The following ENDOD1 variants were observed in gnomAD, a reference collection of about 807,000 sequenced individuals.
The protein encoded by ENDOD1 is endonuclease domain-containing 1 protein.
In ENDOD1, 9 loss-of-function variants were observed where a neutral mutation model predicts 6.5. That is an observed-to-expected ratio of 1.39 (90% CI 0.84 to 2.43). The LOEUF (loss-of-function observed/expected upper bound fraction) is 2.43, where lower values mean the gene tolerates loss of function less well. ENDOD1 is among the 30% of genes most tolerant of loss of function. The probability of loss-of-function intolerance (pLI) is 0.00; values close to 1 mark genes in which losing one functional copy is unlikely to be tolerated. For synonymous variants in ENDOD1, 255 were observed against 255.2 expected (o/e 1.00, Z 0.01); for missense variants, 648 against 635.5 (o/e 1.02, Z -0.21).
Position 95,130,371 on chromosome 11 carries a change from G to A in ENDOD1, c.*792G>A, listed in dbSNP as rs1859359693. ...ATGGTATAATACAGTCCTCTCCGGT[G>A]GAAAGAAGAGAAGAGAAGGTGGACA... On this transcript the variant is annotated 3_prime_UTR_variant, in exon 2 of 2. Coordinates refer to ENST00000278505, the MANE Select transcript of ENDOD1 (RefSeq NM_015036.3). 1 of 151,420 alleles carries A rather than the reference G, an allele frequency of 6.6e-6. No homozygotes were observed. The highest frequency in any genetic ancestry group is 2.1e-4 in the South Asian group (1 of 4,810). The allele number at this position is 151,420 out of a possible 1,614,324, so 9.4% of individuals were successfully genotyped here.
intron 1 of ENDOD1, among the ~76,000 whole-genome samples, chr11:95,127,077 C>T (rs548657925): frequency 6.6e-6 from 1 of 152,184 alleles, no homozygotes; most frequent in African/African-American, 2.4e-5. Context: ...GGGATGGTTC[C>T]ACTTGCTGCT....
intron 1 of ENDOD1, among the ~76,000 whole-genome samples, chr11:95,093,794 C>G (rs1403131751): frequency 2.0e-5 from 3 of 152,160 alleles, no homozygotes; most frequent in Non-Finnish European, 2.9e-5. Context: ...CAAACATGCT[C>G]CCTATGCAGA....
intron 1 of ENDOD1, among the ~76,000 whole-genome samples, chr11:95,120,580 A>G (rs1357912919): frequency 1.3e-5 from 2 of 151,834 alleles, no homozygotes; most frequent in Non-Finnish European, 2.9e-5. Context: ...TCTTCTTCTC[A>G]AGCAGAAGGA....
intron 1 of ENDOD1, among the ~76,000 whole-genome samples, chr11:95,098,454 C>G (rs553996763): frequency 6.6e-5 from 10 of 152,288 alleles, no homozygotes; most frequent in African/African-American, 2.4e-4. Context: ...TGCATACATC[C>G]AAACCCAGCA....
intron 1 of ENDOD1, among the ~76,000 whole-genome samples, chr11:95,122,756 A>T: frequency 6.6e-6 from 1 of 152,222 alleles, no homozygotes. Flanking sequence ...TGATTCTTCA[A>T]CAAAAGCTAT....
intron 1 of ENDOD1, among the ~76,000 whole-genome samples, chr11:95,092,016 A>G (rs1417284064): frequency 6.6e-6 from 1 of 152,186 alleles, no homozygotes; most frequent in African/African-American, 2.4e-5. Flanking sequence ...GCAAAAAACC[A>G]TAATTTAATA....
intron 1 of ENDOD1, among the ~76,000 whole-genome samples, chr11:95,095,258 T>C (rs111806022): frequency 1.3e-5 from 2 of 152,100 alleles, no homozygotes; most frequent in African/African-American, 4.8e-5. Context: ...GAGGGTGGAT[T>C]TGAGTGATTA....
intron 1 of ENDOD1, among the ~76,000 whole-genome samples, chr11:95,097,011 A>T (rs1419294364): frequency 3.9e-5 from 6 of 152,010 alleles, no homozygotes; most frequent in African/African-American, 1.5e-4. Context: ...AAAATTAGCG[A>T]GGAGTGCTGG....
At position 95,129,284 on chromosome 11, in the gene ENDOD1, A is replaced by G. The variant is rs750011484; in HGVS notation, c.1208A>G (p.Lys403Arg). The G allele has an allele frequency of 2.5e-6, 4 of 1,614,174 alleles. No homozygotes were observed. Among genetic ancestry groups the G allele is most frequent in the East Asian group, 2.2e-5 (1 of 44,872 alleles). Residue 403 changes from lysine (K) to arginine (R), a missense_variant, in exon 2 of 2, where the codon AAG becomes AGG. Physicochemically the swap from Lys to Arg is conservative, Grantham distance 26 (BLOSUM62 2). Coordinates refer to ENST00000278505, the MANE Select transcript of ENDOD1 (RefSeq NM_015036.3). ...ELVSIPWKVL[K>R]VVAKVIRALL... ...GTGAGCATTCCCTGGAAGGTGCTCA[A>G]GGTCGTGGCCAAAGTCATCAGGGCT... is the stretch of plus-strand genomic sequence containing the variant.
Position 95,128,625 on chromosome 11 carries a change from C to A in ENDOD1, c.549C>A (p.Asp183Glu). ...ATGTGAATCTCCACAGCCTAATGGA[C>A]CGGGCTTTGACCCCACAGTGTGGCA... is the stretch of plus-strand genomic sequence containing the variant. ...RWYVNLHSLM[D>E]RALTPQCGSG... The change falls in exon 2 of 2, where the codon GAC becomes GAA. Residue 183 changes from aspartate (D) to glutamate (E), a missense_variant. Transcript: ENST00000278505. 6.2e-7 allele frequency: 1 copy of A among 1,614,226 alleles called. No individual in the cohort carries two copies.
chr11:95,105,726 C>G (rs1456808664), intron 1 of ENDOD1, among the ~76,000 whole-genome samples: 2 of 152,194 alleles, frequency 1.3e-5, no homozygotes, highest in African/African-American at 4.8e-5. Flanking sequence ...TAGCTTCATC[C>G]ATGTCCCTGC....
intron 1 of ENDOD1, among the ~76,000 whole-genome samples, chr11:95,118,145 T>TA (rs1859228555): frequency 6.6e-6 from 1 of 152,224 alleles, no homozygotes; most frequent in Non-Finnish European, 1.5e-5. Context: ...TTGTTGTAGT[T>TA]ACGGTTTTTG....
chr11:95,128,563 T>G lies in ENDOD1; in HGVS notation c.487T>G (p.Ser163Ala), dbSNP rs761721208. ...GGTGGCCACATTTACTCTCACAAAT[T>G]CAGCCCCAATGACTCAGTCCTTCCA... ...VQVATFTLTN[S>A]APMTQSFQER... Residue 163 changes from serine to alanine, a missense_variant, in exon 2 of 2, where the codon TCA (serine) becomes GCA (alanine). Transcript: ENST00000278505. 1 of 1,614,210 alleles carries G rather than the reference T, an allele frequency of 6.2e-7. No individual in the cohort carries two copies.
rs2134177323 is a variant in ENDOD1, at chr11:95,130,511, A to G, written c.*932A>G. ...ACTGAAAGATCTATATGTTAAGCTA[A>G]CATGAAAATTCATATTCTGCAACAT... On this transcript the variant is annotated 3_prime_UTR_variant, in exon 2 of 2. Coordinates refer to ENST00000278505, the MANE Select transcript of ENDOD1 (RefSeq NM_015036.3). 6.6e-6 allele frequency: 1 copy of G among 152,312 alleles called. No homozygotes were observed. Among genetic ancestry groups the G allele is most frequent in the Admixed American group, 6.5e-5 (1 of 15,294 alleles). 9.4% of individuals were successfully genotyped at this position (152,312 alleles called of 1,614,324 possible).
At chr11:95,100,990 G>T (rs1419808066) in intron 1 of ENDOD1, among the ~76,000 whole-genome samples, 1 of 147,712 alleles carries the variant, frequency 6.8e-6, no homozygotes, top group Non-Finnish European at 1.5e-5. Flanking sequence ...ATTCATTTGT[G>T]TGACTAATTG....
At chr11:95,114,756 T>G (rs946255221) in intron 1 of ENDOD1, among the ~76,000 whole-genome samples, 26 of 152,342 alleles carry the variant, frequency 1.7e-4, no homozygotes, top group Admixed American at 1.4e-3. Flanking sequence ...AGACTGTCTT[T>G]TCCCCAGTGT....
At chr11:95,114,803 T>A (rs1555112315) in intron 1 of ENDOD1, among the ~76,000 whole-genome samples, 1 of 152,192 alleles carries the variant, frequency 6.6e-6, no homozygotes, top group Non-Finnish European at 1.5e-5. Context: ...GAGTTCACTG[T>A]AGGCGTGTGG....
At chr11:95,124,753 A>C (rs1859295235) in intron 1 of ENDOD1, among the ~76,000 whole-genome samples, 1 of 152,188 alleles carries the variant, frequency 6.6e-6, no homozygotes, top group Non-Finnish European at 1.5e-5. Flanking sequence ...GTCAGGTGCA[A>C]GGCCATGGCT....
chr11:95,126,492 A>G (rs1859313346), intron 1 of ENDOD1, among the ~76,000 whole-genome samples: 1 of 152,236 alleles, frequency 6.6e-6, no homozygotes, highest in South Asian at 2.1e-4. Context: ...AGAGGAAAAA[A>G]TATGACTTGC....
Sources: allele counts gnomAD v4.1 joint callset (sites outside exome capture counted in the v4.1 genomes callset), GRCh38; gene constraint gnomAD v4.1.1; transcripts MANE v1.5; gene names NCBI Gene and HGNC (gene_info 2026-07-23, HGNC 2026-07-21).